Variants in GPAT3 observed in about 807,000 individuals in gnomAD.
The protein encoded by GPAT3 is 1-AGP acyltransferase 9.
In GPAT3, 53 loss-of-function variants were observed where a neutral mutation model predicts 58.8. The ratio of observed to expected loss-of-function variants is 0.90; its 90% CI spans 0.72 to 1.13. The LOEUF is 1.13. Among genes scored for constraint, GPAT3 ranks in the 50% most tolerant of loss-of-function variants. The probability of loss-of-function intolerance (pLI) is 0.00; values close to 1 mark genes in which losing one functional copy is unlikely to be tolerated. For synonymous variants in GPAT3, 197 were observed against 187.4 expected, an observed-to-expected ratio of 1.05 and a Z score of -0.42; for missense variants, 511 against 527.6, an observed-to-expected ratio of 0.97 and a Z score of 0.31.
intron 6 of GPAT3, among the ~76,000 whole-genome samples, chr4:83,592,464 T>C (rs1359521897): frequency 6.6e-6 from 1 of 152,198 alleles, no homozygotes; most frequent in Non-Finnish European, 1.5e-5. Flanking sequence ...TGACTCTCCT[T>C]TTATTAAAAG....
chr4:83,587,339 T>C lies in GPAT3; in HGVS notation c.554+10T>C. 6.2e-7 allele frequency: 1 copy of C among 1,610,466 alleles called. No individual in the cohort carries two copies. Among genetic ancestry groups the C allele is most frequent in the Non-Finnish European group, 8.5e-7 (1 of 1,177,166 alleles). On this transcript the variant is annotated intron_variant, in intron 4 of 11. Transcript: ENST00000264409. ...AGCTGCCAGACAGCAGGTGAAATGT[T>C]TCCTTCCATCCAGCCATATATAGGA...
intron 2 of GPAT3, among the ~76,000 whole-genome samples, chr4:83,554,801 C>CTTTT (rs34785812): frequency 2.3e-5 from 3 of 129,964 alleles, no homozygotes; most frequent in Non-Finnish European, 4.9e-5. Flanking sequence ...GAAGCTCCCT[C>CTTTT]TTTTTTTTTT....
chr4:83,588,074 C>A, intron 4 of GPAT3, 136 bp from the exon 5 acceptor site: 1 of 663,498 alleles, frequency 1.5e-6, no homozygotes, highest in Middle Eastern at 4.1e-4. Context: ...GACTATAAGA[C>A]TATAAGAATT....
intron 2 of GPAT3, among the ~76,000 whole-genome samples, chr4:83,546,112 G>A (rs953551554): frequency 2.6e-5 from 4 of 152,140 alleles, no homozygotes; most frequent in Non-Finnish European, 4.4e-5. Context: ...AGCCTCCTGA[G>A]TAGCTGGGAC....
chr4:83,581,396 T>G (rs1343772209), intron 2 of GPAT3, among the ~76,000 whole-genome samples, 166 bp from the exon 3 acceptor site: 3 of 152,176 alleles, frequency 2.0e-5, no homozygotes, highest in African/African-American at 7.2e-5. Context: ...ATTTCACCTC[T>G]TTTCCCACTG....
intron 2 of GPAT3, among the ~76,000 whole-genome samples, chr4:83,574,624 A>ATTTTTTTTTTTTTTTTTTTTTTTTT (rs561972057): frequency 5.4e-5 from 3 of 55,592 alleles, no homozygotes; most frequent in Non-Finnish European, 7.0e-5. Context: ...AGTAAAATGA[A>ATTTTTTTTTTTTTTTTTTTTTTTTT]TTTTTTTTTT....
At chr4:83,583,288 G>A (rs576716183) in intron 3 of GPAT3, among the ~76,000 whole-genome samples, 1 of 150,052 alleles carries the variant, frequency 6.7e-6, no homozygotes, top group Non-Finnish European at 1.5e-5. Flanking sequence ...GCGAGACTGC[G>A]TATCCAAAAA....
intron 5 of GPAT3, among the ~76,000 whole-genome samples, chr4:83,589,829 T>C (rs1027603114): frequency 1.3e-5 from 2 of 152,100 alleles, no homozygotes; most frequent in Admixed American, 6.6e-5. Context: ...CGGTGGCTTA[T>C]GCCTGTGATC....
chr4:83,561,377 CT>C (rs1248119786), intron 2 of GPAT3, among the ~76,000 whole-genome samples: 1 of 151,666 alleles, frequency 6.6e-6, no homozygotes, highest in African/African-American at 2.4e-5. Context: ...GTCCATGTTC[CT>C]TTTTTTTCAA....
In GPAT3 at chr4:83,596,860, TA is replaced by T; in HGVS notation, c.861del (p.Glu288AsnfsTer12). The T allele has an allele frequency of 1.2e-6, 2 of 1,604,426 alleles. No individual in the cohort carries two copies. The highest frequency in any genetic ancestry group is 1.7e-4 in the Middle Eastern group (1 of 6,036). ...TTTGATCCTTTTTTTTTCCATAGAC[TA>T]AAAGAACATATTGCTGATAAGAAGA... ...MKDRHLVTKR[L>X]KEHIADKKKL... is the part of the protein sequence containing the mutation. On this transcript the variant is annotated frameshift_variant, in exon 8 of 12. Coordinates refer to ENST00000264409, the MANE Select transcript of GPAT3 (RefSeq NM_032717.5). LOFTEE classifies it high-confidence loss of function.
intron 6 of GPAT3, among the ~76,000 whole-genome samples, chr4:83,593,540 TC>T (rs1351941696): frequency 6.6e-6 from 1 of 152,210 alleles, no homozygotes; most frequent in Non-Finnish European, 1.5e-5. Flanking sequence ...TTTCTTGCTT[TC>T]CTTCAATTAA....
At chr4:83,541,845 C>G (rs1724315611) in intron 1 of GPAT3, among the ~76,000 whole-genome samples, 1 of 152,188 alleles carries the variant, frequency 6.6e-6, no homozygotes, top group Non-Finnish European at 1.5e-5. Context: ...TGGCCGCCTT[C>G]CAGCAAGAAG....
At chr4:83,556,587 A>G (rs1314724050) in intron 2 of GPAT3, among the ~76,000 whole-genome samples, 1 of 151,842 alleles carries the variant, frequency 6.6e-6, no homozygotes, top group Non-Finnish European at 1.5e-5. Flanking sequence ...CTAACTGACA[A>G]TTGATTAGTG....
intron 1 of GPAT3, among the ~76,000 whole-genome samples, chr4:83,541,143 G>A (rs1162454130): frequency 2.6e-5 from 4 of 152,218 alleles, no homozygotes; most frequent in South Asian, 4.1e-4. Context: ...TACTTTCACC[G>A]GGCATCAACC....
chr4:83,541,895 C>T (rs1223286845), intron 1 of GPAT3, among the ~76,000 whole-genome samples: 2 of 152,210 alleles, frequency 1.3e-5, no homozygotes, highest in African/African-American at 2.4e-5. Context: ...TCTCTGTGCT[C>T]ACATCCTTGT....
At chr4:83,540,328 G>T (rs146155480) in intron 1 of GPAT3, among the ~76,000 whole-genome samples, 2 of 152,292 alleles carry the variant, frequency 1.3e-5, no homozygotes, top group African/African-American at 2.4e-5. Flanking sequence ...GTTGTTAGAA[G>T]CCACTTTTGT....
At chr4:83,552,969 A>G (rs970390312) in intron 2 of GPAT3, among the ~76,000 whole-genome samples, 4 of 152,182 alleles carry the variant, frequency 2.6e-5, no homozygotes, top group African/African-American at 9.7e-5. Context: ...AATCGGAAAG[A>G]GAGCCCTCAC....
intron 2 of GPAT3, among the ~76,000 whole-genome samples, chr4:83,547,387 G>A (rs1219982419): frequency 6.6e-6 from 1 of 151,222 alleles, no homozygotes; most frequent in Non-Finnish European, 1.5e-5. Context: ...CGAGTAGCTG[G>A]GACTACAGGT....
intron 2 of GPAT3, among the ~76,000 whole-genome samples, chr4:83,559,644 A>T (rs527275769): frequency 6.6e-6 from 1 of 152,244 alleles, no homozygotes; most frequent in African/African-American, 2.4e-5. Context: ...GTTCTTCATC[A>T]GTTCTTTTAA....
Sources: allele counts gnomAD v4.1 joint callset (sites outside exome capture counted in the v4.1 genomes callset), GRCh38; gene constraint gnomAD v4.1.1; transcripts MANE v1.5; gene names NCBI Gene and HGNC (gene_info 2026-07-23, HGNC 2026-07-21).